Variants in COL4A5 observed in about 807,000 individuals in gnomAD.
COL4A5 encodes the protein collagen type IV alpha 5 chain, also known as collagen alpha-5(IV) chain.
In COL4A5, 26 loss-of-function variants were observed where a neutral mutation model predicts 130.2. That is an observed-to-expected ratio of 0.20 (90% CI 0.15 to 0.28). COL4A5 has a LOEUF of 0.28. Ranked by LOEUF, COL4A5 falls within the 10% of genes least tolerant of loss-of-function variation. The pLI, the probability that COL4A5 is intolerant of heterozygous loss-of-function variation, is 1.00. For synonymous variants in COL4A5, 496 were observed against 439.6 expected, an observed-to-expected ratio of 1.13 and a Z score of -1.60; for missense variants, 1,131 against 1,344.3, an observed-to-expected ratio of 0.84 and a Z score of 2.48.
chrX:108,684,502 G>A (rs779233878), intron 47 of COL4A5, among the ~76,000 whole-genome samples: 1 of 112,242 alleles, frequency 8.9e-6, no homozygotes, highest in East Asian at 2.8e-4. Flanking sequence ...AGAAAATCTA[G>A]AAGAAATGGA....
At chrX:108,573,839 G>A (rs896226333) in intron 9 of COL4A5, among the ~76,000 whole-genome samples, 185 bp downstream of exon 9, 1 of 111,047 alleles carries the variant, frequency 9.0e-6, no homozygotes. Context: ...TAACAACATC[G>A]GCTTCATTCT....
chrX:108,558,889 G>A (rs2065864766), intron 2 of COL4A5, among the ~76,000 whole-genome samples, 175 bp from the exon 3 acceptor site: 1 of 112,340 alleles, frequency 8.9e-6, no homozygotes, highest in African/African-American at 3.2e-5. Context: ...CAGACGGTTT[G>A]TGTTTTCTCC....
At chrX:108,510,149 A>C (rs191728300) in intron 1 of COL4A5, among the ~76,000 whole-genome samples, 2 of 111,133 alleles carry the variant, frequency 1.8e-5, no homozygotes, top group Admixed American at 1.9e-4. Flanking sequence ...ACTGTGGCCT[A>C]TGTGAGGGTG....
chrX:108,655,147 A>G (rs1049186378), intron 36 of COL4A5, among the ~76,000 whole-genome samples, 184 bp from the exon 37 acceptor site: 2 of 112,054 alleles, frequency 1.8e-5, no homozygotes, highest in Non-Finnish European at 3.8e-5. Context: ...CAGTTTTCTC[A>G]TTTATAAATG....
At chrX:108,609,829 T>C (rs2066797731) in intron 29 of COL4A5, among the ~76,000 whole-genome samples, 1 of 111,199 alleles carries the variant, frequency 9.0e-6, no homozygotes, top group Non-Finnish European at 1.9e-5. Context: ...TAATAATATA[T>C]GTGTTGATCT....
At chrX:108,692,358 G>A (rs766489589) in intron 49 of COL4A5, among the ~76,000 whole-genome samples, 9 of 111,060 alleles carry the variant, frequency 8.1e-5, no homozygotes, top group Non-Finnish European at 1.5e-4. Flanking sequence ...TACATACTGA[G>A]GAAGTCTTAG....
At chrX:108,557,151 C>G (rs899972367) in intron 2 of COL4A5, among the ~76,000 whole-genome samples, 1 of 110,693 alleles carries the variant, frequency 9.0e-6, no homozygotes, top group Non-Finnish European at 1.9e-5. Flanking sequence ...AGCTGAGATC[C>G]CAAAATGTAC....
chrX:108,439,927 G>A lies in COL4A5; in HGVS notation c.-199G>A. On this transcript the variant is annotated 5_prime_UTR_variant, in exon 1 of 53. Coordinates refer to ENST00000328300, the MANE Select transcript of COL4A5 (RefSeq NM_033380.3). ...AGAGACCGGCTTTGGGGAGGGGAGG[G>A]GGGAAGGAAGAGTAGCTCCTTCTTC... The A allele has an allele frequency of 2.3e-6, 1 of 435,169 alleles. No individual in the cohort carries two copies. The highest frequency in any genetic ancestry group is 3.5e-5 in the South Asian group (1 of 28,615). The allele number at this position is 435,169 out of a possible 1,213,427, so 35.9% of individuals were successfully genotyped here. A position where few individuals can be genotyped will look rare whatever the true frequency, so the allele number is the denominator to read the frequency against.
At chrX:108,612,445 C>T (rs2066853555) in intron 29 of COL4A5, among the ~76,000 whole-genome samples, 1 of 111,178 alleles carries the variant, frequency 9.0e-6, no homozygotes, top group Admixed American at 9.6e-5. Flanking sequence ...AGGTGAATTT[C>T]GTAGGATCAT....
At chrX:108,631,490 C>G (rs1173181898) in intron 36 of COL4A5, among the ~76,000 whole-genome samples, 2 of 110,414 alleles carry the variant, frequency 1.8e-5, no homozygotes, top group African/African-American at 6.6e-5. Flanking sequence ...GCTTATGATA[C>G]ATCTCTAGAA....
intron 27 of COL4A5, among the ~76,000 whole-genome samples, chrX:108,602,585 G>T (rs1477382371): frequency 8.9e-6 from 1 of 111,863 alleles, no homozygotes; most frequent in Non-Finnish European, 1.9e-5. Context: ...TATAATATCT[G>T]CAGTTATTTT....
chrX:108,580,941 C>A lies in COL4A5; in HGVS notation c.892-42C>A, dbSNP rs754252480. 6.9e-6 allele frequency: 8 copies of A among 1,158,729 alleles called. No individual in the cohort carries two copies. The South Asian group carries it at 7.2e-5, about 10-fold the overall frequency. On this transcript the variant is annotated intron_variant, in intron 15 of 52. Transcript: ENST00000328300. ...CTTTAACTTTATGCTTCCTAACTAA[C>A]AAATGTATGTTGTTGCCCTATCATT...
At chrX:108,525,690 G>A (rs142283698) in intron 1 of COL4A5, among the ~76,000 whole-genome samples, 555 of 110,632 alleles carry the variant, frequency 5.0e-3, no homozygotes, top group Middle Eastern at 0.023. Flanking sequence ...TGCTTACCAC[G>A]TAAATTATAA....
intron 1 of COL4A5, among the ~76,000 whole-genome samples, chrX:108,486,227 C>G (rs2064943890): frequency 9.0e-6 from 1 of 111,336 alleles, no homozygotes; most frequent in Non-Finnish European, 1.9e-5. Context: ...TCTTTTCTAC[C>G]CTCTCCAGTG....
intron 36 of COL4A5, among the ~76,000 whole-genome samples, chrX:108,641,382 C>T (rs151122151): frequency 3.0e-3 from 334 of 111,351 alleles, no homozygotes; most frequent in African/African-American, 0.01. Context: ...TCATGGTGGA[C>T]GGGAGACAGG....
intron 1 of COL4A5, among the ~76,000 whole-genome samples, chrX:108,531,382 A>AAATAAATAAAT (rs1471304579): frequency 9.2e-6 from 1 of 108,803 alleles, no homozygotes; most frequent in Non-Finnish European, 1.9e-5. Context: ...AATAAATAAA[A>AAATAAATAAAT]AATAAAATAA....
intron 36 of COL4A5, among the ~76,000 whole-genome samples, chrX:108,649,568 C>T (rs921877167): frequency 2.7e-5 from 3 of 111,581 alleles, no homozygotes; most frequent in Admixed American, 9.5e-5. Flanking sequence ...GCACATAGAC[C>T]GATGGAACAG....
chrX:108,592,897 G>T (rs184375857), intron 21 of COL4A5, among the ~76,000 whole-genome samples: 19 of 110,306 alleles, frequency 1.7e-4, no homozygotes, highest in Middle Eastern at 9.4e-3. Context: ...TTATCCTCTG[G>T]CATATATTAA....
intron 37 of COL4A5, among the ~76,000 whole-genome samples, chrX:108,664,042 G>C (rs774762502): frequency 4.0e-4 from 44 of 111,304 alleles, no homozygotes; most frequent in African/African-American, 1.4e-3. Flanking sequence ...GAAATTAGCC[G>C]GGCATGGTGG....
Sources: gnomAD v4.1 joint callset for allele counts (sites outside exome capture counted in the v4.1 genomes callset) on GRCh38, gnomAD v4.1.1 for gene constraint, MANE v1.5 for transcripts, NCBI Gene and HGNC (gene_info 2026-07-23, HGNC 2026-07-21) for gene names.